Variants in ARHGAP20 observed in about 807,000 individuals in gnomAD.
ARHGAP20 encodes the protein Rho GTPase activating protein 20.
Under a neutral mutation model 73.7 loss-of-function variants are expected in ARHGAP20, and 34 were observed. That is an observed-to-expected ratio of 0.46 (90% CI 0.35 to 0.61). The LOEUF is 0.61. Among genes scored for constraint, ARHGAP20 ranks in the 20% least tolerant of loss-of-function variants. The pLI is 0.00. For missense variants in ARHGAP20, 1,314 were observed against 1,420.9 expected (o/e 0.92, Z 1.21); for synonymous variants, 523 against 518.2 (o/e 1.01, Z -0.13).
intron 1 of ARHGAP20, chr11:110,711,815 G>T: frequency 7.6e-7 from 1 of 1,323,272 alleles, no homozygotes; most frequent in Non-Finnish European, 9.6e-7. Flanking sequence ...TACAGCCCGC[G>T]CGCCTAGACT....
Position 110,579,148 on chromosome 11 carries a change from T to G in ARHGAP20, c.*222A>C. ...ACATGACAGGACCAATCCCAACCTTTAATAAGAAAAAGCCTCCCAAACACT... is the reference window on the plus strand; with the variant it reads ...ACATGACAGGACCAATCCCAACCTTGAATAAGAAAAAGCCTCCCAAACACT... On this transcript the variant is annotated 3_prime_UTR_variant, in exon 15 of 15. Coordinates refer to ENST00000683387, the MANE Select transcript of ARHGAP20 (RefSeq NM_001384657.1). The G allele has an allele frequency of 8.3e-7, 1 of 1,207,556 alleles. No individual in the cohort carries two copies. Among genetic ancestry groups the G allele is most frequent in the Non-Finnish European group, 1.0e-6 (1 of 965,968 alleles). The allele number at this position is 1,207,556 out of a possible 1,614,324, so 74.8% of individuals were successfully genotyped here.
At chr11:110,660,063 A>AAAAAAAAAAAAC (rs1565463989) in intron 2 of ARHGAP20, among the ~76,000 whole-genome samples, 1 of 123,316 alleles carries the variant, frequency 8.1e-6, no homozygotes. Context: ...ATAAAAAACA[A>AAAAAAAAAAAAC]AAAAAAAAAA....
chr11:110,620,004 A>G (rs1371913554), intron 4 of ARHGAP20, among the ~76,000 whole-genome samples: 1 of 152,052 alleles, frequency 6.6e-6, no homozygotes, highest in Non-Finnish European at 1.5e-5. Context: ...TTAGATTTCA[A>G]TGCTATTAGT....
In ARHGAP20 at chr11:110,592,084, G is replaced by A; in HGVS notation, c.1036C>T (p.His346Tyr). The A allele has an allele frequency of 6.2e-7, 1 of 1,614,176 alleles. No individual in the cohort carries two copies. Among genetic ancestry groups the A allele is most frequent in the African/African-American group, 1.3e-5 (1 of 75,054 alleles). The change falls in exon 10 of 15, where the codon CAC becomes TAC. Residue 346 changes from histidine (H) to tyrosine (Y), a missense_variant. Physicochemically the swap from His to Tyr is moderately conservative, Grantham distance 83 (BLOSUM62 2). This residue lies in a region of ARHGAP20 where 443 missense variants were observed against 466.4 expected (regional missense o/e 0.95). Transcript: ENST00000683387. Reference protein sequence around the residue: ...NWAFWRGSSTHLDNLPSSPTS... With the variant: ...NWAFWRGSSTYLDNLPSSPTS... ...GGCGATGAGGGCAAGTTGTCCAGGT[G>A]AGTGCTAGAACCTCGCCAGAAGGCC...
rs1010258256 is a variant in ARHGAP20, at chr11:110,691,361, C to T, written c.106-732G>A. Among the ~76,000 whole-genome samples, 4 of 151,878 alleles carry T rather than the reference C, an allele frequency of 2.6e-5. No homozygotes were observed. The South Asian group carries it at 6.2e-4, about 24-fold the overall frequency. Reference sequence around the variant, plus strand: ...ACTAGAAGCAGATGAGTAAAATTAACCATATATAGTCACAAACAGCCATGA... The same window carrying T: ...ACTAGAAGCAGATGAGTAAAATTAATCATATATAGTCACAAACAGCCATGA... On this transcript the variant is annotated intron_variant, in intron 1 of 14. Transcript: ENST00000683387.
intron 1 of ARHGAP20, among the ~76,000 whole-genome samples, chr11:110,711,228 C>T (rs939196167): frequency 6.6e-6 from 1 of 152,098 alleles, no homozygotes; most frequent in Non-Finnish European, 1.5e-5. Context: ...CCGTGTTTAT[C>T]GGAATGGAAC....
chr11:110,642,469 C>T lies in ARHGAP20; in HGVS notation c.189-11677G>A, dbSNP rs145229118. Reference sequence around the variant, plus strand: ...TATTTGAGATATATTCCTTTGATACCGAGCTTGTTGAGGATTCTTATCAGG... The same window carrying T: ...TATTTGAGATATATTCCTTTGATACTGAGCTTGTTGAGGATTCTTATCAGG... On this transcript the variant is annotated intron_variant, in intron 2 of 14. Coordinates refer to ENST00000683387, the MANE Select transcript of ARHGAP20 (RefSeq NM_001384657.1). 5.0e-3 allele frequency among the ~76,000 whole-genome samples: 758 copies of T among 152,046 alleles called. 3 individuals are homozygous for T. Among genetic ancestry groups the T allele is most frequent in the South Asian group, 0.021 (102 of 4,804 alleles).
At chr11:110,689,375 A>T (rs1317822429) in intron 2 of ARHGAP20, among the ~76,000 whole-genome samples, 1 of 152,184 alleles carries the variant, frequency 6.6e-6, no homozygotes, top group Non-Finnish European at 1.5e-5. Context: ...TCACAACTTA[A>T]AGAAAAATCA....
chr11:110,606,593 G>A lies in ARHGAP20; in HGVS notation c.932C>T (p.Pro311Leu), dbSNP rs1232667439. The A allele has an allele frequency of 6.2e-7, 1 of 1,611,232 alleles. No individual in the cohort carries two copies. The highest frequency in any genetic ancestry group is 8.5e-7 in the Non-Finnish European group (1 of 1,178,972). ...TTGCTGGGCTGCAGCCAGGCGGCTGGGCTTCAGGATGAACTGGCACTGCAT... is the reference window on the plus strand; with the variant it reads ...TTGCTGGGCTGCAGCCAGGCGGCTGAGCTTCAGGATGAACTGGCACTGCAT... ...REMQCQFILK[P>L]SRLAAAQQLS... Residue 311 changes from proline to leucine, a missense_variant, in exon 9 of 15, where the codon CCC (proline) becomes CTC (leucine). By Grantham distance (98) the Pro-to-Leu change is moderately conservative. Around this residue, in one of 3 missense-constraint regions of ARHGAP20, gnomAD observed 443 missense variants for 466.4 expected, o/e 0.95. Transcript: ENST00000683387.
At chr11:110,623,851 G>A (rs1377346002) in intron 4 of ARHGAP20, among the ~76,000 whole-genome samples, 1 of 149,018 alleles carries the variant, frequency 6.7e-6, no homozygotes, top group Non-Finnish European at 1.5e-5. Flanking sequence ...TCCTGTTGTT[G>A]CTGTTGTTGT....
intron 9 of ARHGAP20, among the ~76,000 whole-genome samples, chr11:110,603,803 C>A (rs1848589): frequency 0.16 from 24,138 of 152,104 alleles, 2,446 homozygotes; most frequent in East Asian, 0.31. Context: ...ATATGCTCAA[C>A]TGAAATTAGA....
Position 110,577,285 on chromosome 11 carries a change from A to ATGAC in ARHGAP20, c.*2081_*2084dup, listed in dbSNP as rs1947310026. On this transcript the variant is annotated 3_prime_UTR_variant, in exon 15 of 15. Coordinates refer to ENST00000683387, the MANE Select transcript of ARHGAP20 (RefSeq NM_001384657.1). ...TTATAGATTGATGGAGTATAATAAA[A>ATGAC]TGACATATAGTCTGTCTTCAAATCA... is the stretch of plus-strand genomic sequence containing the variant. The ATGAC allele has an allele frequency of 2.9e-6, 4 of 1,391,160 alleles. No homozygotes were observed. The highest frequency in any genetic ancestry group is 3.7e-6 in the Non-Finnish European group (4 of 1,070,486). 86.2% of individuals were successfully genotyped at this position (1,391,160 alleles called of 1,614,324 possible).
intron 9 of ARHGAP20, among the ~76,000 whole-genome samples, chr11:110,603,948 C>A (rs915936750): frequency 6.6e-6 from 1 of 152,094 alleles, no homozygotes; most frequent in Non-Finnish European, 1.5e-5. Context: ...ACTTTAAATT[C>A]CAACTAAGTG....
chr11:110,581,832 G>T lies in ARHGAP20; in HGVS notation c.1720+489C>A, dbSNP rs574965902. Reference sequence around the variant, plus strand: ...AGGCAGCTGTATGTCTTCGAATTCAGTGTTCCCCCACCTCAAATGATGCTA... The same window carrying T: ...AGGCAGCTGTATGTCTTCGAATTCATTGTTCCCCCACCTCAAATGATGCTA... On this transcript the variant is annotated intron_variant, in intron 14 of 14. Coordinates refer to ENST00000683387, the MANE Select transcript of ARHGAP20 (RefSeq NM_001384657.1). Among the ~76,000 whole-genome samples the T allele has an allele frequency of 2.7e-5, 4 of 150,756 alleles. No homozygotes were observed. In the South Asian group the frequency reaches 8.4e-4, roughly 32 times the overall value.
intron 1 of ARHGAP20, among the ~76,000 whole-genome samples, chr11:110,703,227 T>C (rs1950490889): frequency 6.6e-6 from 1 of 152,180 alleles, no homozygotes; most frequent in African/African-American, 2.4e-5. Flanking sequence ...CTACTGTAAA[T>C]GAATATATGT....
chr11:110,588,953 T>C (rs1398481241), intron 11 of ARHGAP20, among the ~76,000 whole-genome samples: 2 of 152,016 alleles, frequency 1.3e-5, no homozygotes, highest in African/African-American at 2.4e-5. Context: ...GCAACTGTAG[T>C]CCCAGCTACT....
At chr11:110,615,716 C>T in intron 4 of ARHGAP20, 122 bp from the exon 5 acceptor site, 1 of 807,740 alleles carries the variant, frequency 1.2e-6, no homozygotes, top group Non-Finnish European at 2.0e-6. Flanking sequence ...CAGTTGCACA[C>T]ATAAGCTGCA....
chr11:110,661,586 T>C (rs1949613448), intron 2 of ARHGAP20, among the ~76,000 whole-genome samples: 1 of 152,170 alleles, frequency 6.6e-6, no homozygotes, highest in African/African-American at 2.4e-5. Context: ...TTTTTCTCTA[T>C]ACTGCACTGA....
At chr11:110,671,592 T>A (rs1468188221) in intron 2 of ARHGAP20, among the ~76,000 whole-genome samples, 1 of 152,150 alleles carries the variant, frequency 6.6e-6, no homozygotes, top group East Asian at 1.9e-4. Context: ...GTATGTAGAA[T>A]ATCCTGAAAA....
Sources: gnomAD v4.1 joint callset for allele counts (sites outside exome capture counted in the v4.1 genomes callset) on GRCh38, gnomAD v4.1.1 for gene constraint, gnomAD v4.1.1 regional missense constraint, MANE v1.5 for transcripts, NCBI Gene and HGNC (gene_info 2026-07-23, HGNC 2026-07-21) for gene names.